PGM3: variants seen among roughly 807,000 people sequenced by gnomAD.
PGM3 encodes the protein phosphoacetylglucosamine mutase.
Under a neutral mutation model 66.2 loss-of-function variants are expected in PGM3, and 40 were observed. That is an observed-to-expected ratio of 0.60 (90% CI 0.47 to 0.79). The LOEUF is 0.79. Among genes scored for constraint, PGM3 ranks in the 30% least tolerant of loss-of-function variants. The probability of loss-of-function intolerance (pLI) is 0.00; values close to 1 mark genes in which losing one functional copy is unlikely to be tolerated. For missense variants in PGM3, 537 were observed against 643.4 expected, an observed-to-expected ratio of 0.83 and a Z score of 1.79; for synonymous variants, 191 against 224.2, an observed-to-expected ratio of 0.85 and a Z score of 1.32.
chr6:83,168,063 A>G lies in PGM3; in HGVS notation c.*1171T>C, dbSNP rs777692526. The G allele has an allele frequency of 1.2e-6, 2 of 1,614,204 alleles. No individual in the cohort carries two copies. Among genetic ancestry groups the G allele is most frequent in the East Asian group, 4.5e-5 (2 of 44,882 alleles). On this transcript the variant is annotated 3_prime_UTR_variant, in exon 13 of 13. Transcript: ENST00000513973. ...CCTCTACTCAAATGCCTTCCCTAAT[A>G]AGGACATGAAACTGGAGAACCACAA... is the stretch of plus-strand genomic sequence containing the variant.
At chr6:83,171,908 A>G (rs746417507) in intron 11 of PGM3, 29 bp downstream of exon 11, 2 of 1,582,226 alleles carry the variant, frequency 1.3e-6, no homozygotes, top group Non-Finnish European at 1.7e-6. Context: ...CTAATATTCA[A>G]AAAAGTTACT....
intron 4 of PGM3, among the ~76,000 whole-genome samples, chr6:83,185,491 C>A (rs1788510375): frequency 6.6e-6 from 1 of 152,270 alleles, no homozygotes; most frequent in Middle Eastern, 3.4e-3. Flanking sequence ...AGGCCGGGCG[C>A]AGTGGCTCAT....
rs1786399529 is a variant in PGM3, at chr6:83,168,569, CAG to C, written c.*663_*664del. The C allele has an allele frequency of 1.0e-6, 1 of 998,302 alleles. No individual in the cohort carries two copies. Among genetic ancestry groups the C allele is most frequent in the Non-Finnish European group, 1.2e-6 (1 of 838,310 alleles). The allele number at this position is 998,302 out of a possible 1,614,324, so 61.8% of individuals were successfully genotyped here. On this transcript the variant is annotated 3_prime_UTR_variant, in exon 13 of 13. Transcript: ENST00000513973. ...TATCAGAATGGTGTTCCTTCTCCAT[CAG>C]AGGCTGGGAAACGTATTATAATTAG...
Position 83,166,012 on chromosome 6 carries a change from C to G in PGM3, c.*3222G>C, listed in dbSNP as rs1377494385. ...TTGGGAAGTGCTTTGGAGCTTCTTT[C>G]AGTCCAGCCACTGAGCTGGTCATCG... is the stretch of plus-strand genomic sequence containing the variant. On this transcript the variant is annotated 3_prime_UTR_variant, in exon 13 of 13. Transcript: ENST00000513973. 2 of 299,342 alleles carry G rather than the reference C, an allele frequency of 6.7e-6. No individual in the cohort carries two copies. Among genetic ancestry groups the G allele is most frequent in the Admixed American group, 8.1e-5 (2 of 24,634 alleles). The allele number at this position is 299,342 out of a possible 1,614,324, so 18.5% of individuals were successfully genotyped here.
chr6:83,170,651 T>C lies in PGM3; in HGVS notation c.1366-173A>G. ...CATTTGTGCAACTTTTCTCTTTTTC[T>C]TCAGTCTATAAAGAATTACCTTTGG... On this transcript the variant is annotated intron_variant, in intron 11 of 12. Transcript: ENST00000513973. The C allele has an allele frequency of 6.7e-6, 4 of 593,908 alleles. No homozygotes were observed. The South Asian group carries it at 9.6e-5, about 14-fold the overall frequency. The allele number at this position is 593,908 out of a possible 1,614,324, so 36.8% of individuals were successfully genotyped here.
Position 83,168,181 on chromosome 6 carries a change from T to C in PGM3, c.*1053A>G. On this transcript the variant is annotated 3_prime_UTR_variant, in exon 13 of 13. Coordinates refer to ENST00000513973, the MANE Select transcript of PGM3 (RefSeq NM_015599.3). ...ATAAAAACTTGAGCACCATTGCTGG[T>C]TCCATTTAGCTTACATGTAAATGTA... 6.2e-7 allele frequency: 1 copy of C among 1,604,780 alleles called. No individual in the cohort carries two copies. The highest frequency in any genetic ancestry group is 2.2e-5 in the East Asian group (1 of 44,776).
intron 1 of PGM3, 94 bp from the exon 2 acceptor site, chr6:83,191,108 C>G: frequency 6.8e-7 from 1 of 1,463,310 alleles, no homozygotes; most frequent in Non-Finnish European, 9.4e-7. Context: ...ATAGGTCTGT[C>G]TCATCCTGAA....
At chr6:83,155,460 T>C in the PGM3 span, among the ~76,000 whole-genome samples, 1 of 152,008 alleles carries the variant, frequency 6.6e-6, no homozygotes, top group Non-Finnish European at 1.5e-5. Context: ...AGATACCATC[T>C]CAAAGAAAAA....
Position 83,166,566 on chromosome 6 carries a change from AAGTG to A in PGM3, c.*2664_*2667del. 1.6e-6 allele frequency: 1 copy of A among 620,770 alleles called. No homozygotes were observed. Among genetic ancestry groups the A allele is most frequent in the Non-Finnish European group, 2.7e-6 (1 of 363,680 alleles). 38.5% of individuals were successfully genotyped at this position (620,770 alleles called of 1,614,324 possible). A position where few individuals can be genotyped will look rare whatever the true frequency, so the allele number is the denominator to read the frequency against. On this transcript the variant is annotated 3_prime_UTR_variant, in exon 13 of 13. Transcript: ENST00000513973. ...CAGCAATAAGTCATTAGCAAAAAAAAAGTGAGAAATATGCTTAAAATGATGTATA... is the reference window on the plus strand; with the variant it reads ...CAGCAATAAGTCATTAGCAAAAAAAAAGAAATATGCTTAAAATGATGTATA...
chr6:83,154,121 G>T, the PGM3 span: 2 of 1,609,968 alleles, frequency 1.2e-6, no homozygotes, highest in South Asian at 1.1e-5. Flanking sequence ...TGGAAAGTTA[G>T]AATACTGTTC....
At chr6:83,170,236 C>T in intron 12 of PGM3, 69 bp downstream of exon 12, 1 of 1,415,112 alleles carries the variant, frequency 7.1e-7, no homozygotes, top group Admixed American at 1.8e-5. Flanking sequence ...ATTCTAAAAA[C>T]CATTAAAATA....
At chr6:83,158,488 A>T, downstream of PGM3, 1 of 1,130,236 alleles carries the variant, frequency 8.8e-7, no homozygotes, top group Non-Finnish European at 1.3e-6. Flanking sequence ...TTTTGCGTTA[A>T]TGAAAATACA....
rs1785322823 is a variant in PGM3, at chr6:83,165,677, G to T, written c.*3557C>A. 1.9e-5 allele frequency: 4 copies of T among 212,728 alleles called. No homozygotes were observed. Among genetic ancestry groups the T allele is most frequent in the Admixed American group, 5.0e-5 (1 of 20,172 alleles). 13.2% of individuals were successfully genotyped at this position (212,728 alleles called of 1,614,324 possible). Reference sequence around the variant, plus strand: ...GCAAAACGTTGCTGAGATGCCTAAAGAAGTGGTAGTTTGTTGGCAAGAGGT... The same window carrying T: ...GCAAAACGTTGCTGAGATGCCTAAATAAGTGGTAGTTTGTTGGCAAGAGGT... On this transcript the variant is annotated 3_prime_UTR_variant, in exon 13 of 13. Coordinates refer to ENST00000513973, the MANE Select transcript of PGM3 (RefSeq NM_015599.3).
rs1254623022 is a variant in PGM3, at chr6:83,166,665, A to G, written c.*2569T>C. The stretch of plus-strand genomic sequence containing the variant: ...AAATTTCAACAATGCAAAAACCGCA[A>G]TTACGTTTGCACCAACCTAATATTT... On this transcript the variant is annotated 3_prime_UTR_variant, in exon 13 of 13. Coordinates refer to ENST00000513973, the MANE Select transcript of PGM3 (RefSeq NM_015599.3). The G allele has an allele frequency of 2.8e-5, 36 of 1,279,818 alleles. No individual in the cohort carries two copies. The highest frequency in any genetic ancestry group is 3.6e-5 in the Non-Finnish European group (36 of 1,003,978). The allele number at this position is 1,279,818 out of a possible 1,614,324, so 79.3% of individuals were successfully genotyped here.
intron 10 of PGM3, 54 bp downstream of exon 10, chr6:83,174,320 A>C (rs1183212953): frequency 9.7e-6 from 9 of 931,620 alleles, no homozygotes; most frequent in Non-Finnish European, 1.6e-5. Context: ...TGTTCTGTCC[A>C]TCTTCTGAAT....
intron 8 of PGM3, among the ~76,000 whole-genome samples, chr6:83,177,109 A>G (rs1346704434): frequency 6.6e-6 from 1 of 152,156 alleles, no homozygotes; most frequent in Non-Finnish European, 1.5e-5. Flanking sequence ...TACAGTTGAC[A>G]TCAGCTGGCA....
At chr6:83,161,130 C>A, downstream of PGM3, 1 of 152,116 alleles carries the variant, frequency 6.6e-6, no homozygotes, top group South Asian at 2.1e-4. Context: ...AAAGTGATAA[C>A]TATTCTGTGG....
chr6:83,160,947 C>T (rs1015284576), downstream of PGM3, among the ~76,000 whole-genome samples: 1 of 151,718 alleles, frequency 6.6e-6, no homozygotes, highest in African/African-American at 2.4e-5. Context: ...ATTCTAGTTC[C>T]TTTAATTTTC....
At chr6:83,190,676 C>A in intron 2 of PGM3, 133 bp downstream of exon 2, 1 of 696,446 alleles carries the variant, frequency 1.4e-6, no homozygotes, top group Non-Finnish European at 2.5e-6. Flanking sequence ...AAAGTTGTTT[C>A]ACATCCAAAG....
Sources: allele counts gnomAD v4.1 joint callset (sites outside exome capture counted in the v4.1 genomes callset), GRCh38; gene constraint gnomAD v4.1.1; transcripts MANE v1.5; gene names NCBI Gene and HGNC (gene_info 2026-07-23, HGNC 2026-07-21).